MAP2K3: variants seen among roughly 807,000 people sequenced by gnomAD.
The protein encoded by MAP2K3 is mitogen-activated protein kinase kinase 3.
In MAP2K3, 30 loss-of-function variants were observed where a neutral mutation model predicts 46.4. The observed-to-expected ratio is 0.65, with a 90% confidence interval of 0.48 to 0.88. The LOEUF (loss-of-function observed/expected upper bound fraction) is 0.88, where lower values mean the gene tolerates loss of function less well. MAP2K3 is among the 40% of genes least tolerant of loss of function. The probability of loss-of-function intolerance (pLI) is 0.00; values close to 1 mark genes in which losing one functional copy is unlikely to be tolerated. For missense variants in MAP2K3, 380 were observed against 464.5 expected (o/e 0.82, Z 1.67); for synonymous variants, 189 against 176.3 (o/e 1.07, Z -0.57).
intron 3 of MAP2K3, among the ~76,000 whole-genome samples, chr17:21,299,417 C>T (rs1295644308): frequency 1.3e-5 from 2 of 152,308 alleles, no homozygotes; most frequent in Admixed American, 1.3e-4. Flanking sequence ...TGCAGTGGCT[C>T]ACACCTGTAA....
chr17:21,289,729 G>A (rs1265633847), intron 1 of MAP2K3, among the ~76,000 whole-genome samples: 2 of 152,346 alleles, frequency 1.3e-5, no homozygotes, highest in Non-Finnish European at 2.9e-5. Context: ...GGCCAGGGGA[G>A]GCAGAAGCAG....
chr17:21,295,968 G>A, intron 1 of MAP2K3: 3 of 1,258,618 alleles, frequency 2.4e-6, no homozygotes, highest in Non-Finnish European at 3.1e-6. Context: ...TCTCTGTGCA[G>A]AGCTTTAATT....
rs1050368182 is a variant in MAP2K3, at chr17:21,284,780, T to C, written c.-141T>C. 1.1e-6 allele frequency: 1 copy of C among 902,322 alleles called. No individual in the cohort carries two copies. Among genetic ancestry groups the C allele is most frequent in the Non-Finnish European group, 1.6e-6 (1 of 630,874 alleles). The allele number at this position is 902,322 out of a possible 1,614,324, so 55.9% of individuals were successfully genotyped here. A position where few individuals can be genotyped will look rare whatever the true frequency, so the allele number is the denominator to read the frequency against. ...GTCGCCGCCGCAGTCCTCGCCGCAGTCGCCGCCGCCGCCGCCGCCGCCGCC... is the reference window on the plus strand; with the variant it reads ...GTCGCCGCCGCAGTCCTCGCCGCAGCCGCCGCCGCCGCCGCCGCCGCCGCC... On this transcript the variant is annotated 5_prime_UTR_variant, in exon 1 of 12. Transcript: ENST00000342679.
Position 21,303,039 on chromosome 17 carries a change from G to A in MAP2K3, c.517-144G>A, listed in dbSNP as rs529069513. 2.8e-6 allele frequency: 3 copies of A among 1,061,496 alleles called. No homozygotes were observed. The African/African-American group carries it at 4.7e-5, about 17-fold the overall frequency. The allele number at this position is 1,061,496 out of a possible 1,614,324, so 65.8% of individuals were successfully genotyped here. A position where few individuals can be genotyped will look rare whatever the true frequency, so the allele number is the denominator to read the frequency against. Reference sequence around the variant, plus strand: ...TGGGGCAAATGCCAGGACAGGGCAGGAGGCTGGGATGAGAGGGTGCGTAGC... The same window carrying A: ...TGGGGCAAATGCCAGGACAGGGCAGAAGGCTGGGATGAGAGGGTGCGTAGC... On this transcript the variant is annotated intron_variant, in intron 6 of 11. Coordinates refer to ENST00000342679, the MANE Select transcript of MAP2K3 (RefSeq NM_145109.3).
In MAP2K3 at chr17:21,314,432, C is replaced by A. The variant is rs1977312918; in HGVS notation, c.*202C>A. On this transcript the variant is annotated 3_prime_UTR_variant, in exon 12 of 12. Transcript: ENST00000342679. ...CAGACCATTGGGGCTCCCAGCCAGGCCCTTGTCGGCCCCACCAGTGCCTCT... is the reference window on the plus strand; with the variant it reads ...CAGACCATTGGGGCTCCCAGCCAGGACCTTGTCGGCCCCACCAGTGCCTCT... The A allele has an allele frequency of 3.4e-5, 20 of 583,460 alleles. No individual in the cohort carries two copies. The highest frequency in any genetic ancestry group is 3.4e-5 in the Non-Finnish European group (11 of 325,456). The allele number at this position is 583,460 out of a possible 1,614,324, so 36.1% of individuals were successfully genotyped here.
chr17:21,314,378 C>T lies in MAP2K3; in HGVS notation c.*148C>T, dbSNP rs2363194. On this transcript the variant is annotated 3_prime_UTR_variant, in exon 12 of 12. Coordinates refer to ENST00000342679, the MANE Select transcript of MAP2K3 (RefSeq NM_145109.3). Reference sequence around the variant, plus strand: ...GGGCTGCTCCCACCTGGCTCTGTGGCGAGCCATTTGTCCCAAGTGCCAAAG... The same window carrying T: ...GGGCTGCTCCCACCTGGCTCTGTGGTGAGCCATTTGTCCCAAGTGCCAAAG... The T allele has an allele frequency of 1.4e-4, 101 of 720,350 alleles. No individual in the cohort carries two copies. Among genetic ancestry groups the T allele is most frequent in the Non-Finnish European group, 2.1e-4 (88 of 423,892 alleles). The allele number at this position is 720,350 out of a possible 1,614,324, so 44.6% of individuals were successfully genotyped here.
rs753716912 is a variant in MAP2K3 at position 21,300,573 on chromosome 17, T to G, written c.194T>G (p.Val65Gly). The change falls in exon 4 of 12, where the codon GTG (valine) becomes GGG (glycine). Residue 65 changes from valine (V) to glycine (G), a missense_variant. Transcript: ENST00000342679. The stretch of plus-strand genomic sequence containing the variant: ...TTTGAGGTGGAGGCTGATGACTTGG[T>G]GACCATCTCAGAACTGGGCCGTGGA... ...RNFEVEADDL[V>G]TISELGRGAY... 2.2e-5 allele frequency: 36 copies of G among 1,612,570 alleles called. No homozygotes were observed. The highest frequency in any genetic ancestry group is 2.2e-4 in the Admixed American group (13 of 59,730).
At chr17:21,288,194 G>A in intron 1 of MAP2K3, 1 of 920,674 alleles carries the variant, frequency 1.1e-6, no homozygotes, top group Non-Finnish European at 1.5e-6. Flanking sequence ...GTGGGGAGGG[G>A]GTTACGTGTC....
At chr17:21,300,783 C>T in intron 4 of MAP2K3, 91 bp from the exon 5 acceptor site, 1 of 1,610,054 alleles carries the variant, frequency 6.2e-7, no homozygotes. Context: ...GCACACTGGG[C>T]AGTGGCCCCC....
At chr17:21,287,933 T>A in intron 1 of MAP2K3, 1 of 889,732 alleles carries the variant, frequency 1.1e-6, no homozygotes, top group Admixed American at 2.3e-5. Flanking sequence ...CCCCTGGCTG[T>A]CGGAAAGACT....
At chr17:21,308,974 C>T (rs546542240) in intron 9 of MAP2K3, among the ~76,000 whole-genome samples, 475 of 152,388 alleles carry the variant, frequency 3.1e-3, no homozygotes, top group African/African-American at 0.01. Flanking sequence ...AAACCAACAG[C>T]GGTTTCTTAT....
chr17:21,312,245 G>C lies in MAP2K3; in HGVS notation c.878G>C (p.Arg293Pro), dbSNP rs35206134. 14 of 1,601,402 alleles carry C rather than the reference G, an allele frequency of 8.7e-6. No homozygotes were observed. The Admixed American group carries it at 1.1e-4, about 12-fold the overall frequency. The change falls in exon 10 of 12, where the codon CGT becomes CCT. Residue 293 changes from arginine (R) to proline (P), a missense_variant. This residue lies in a region of MAP2K3 where 63 missense variants were observed against 81.6 expected (regional missense o/e 0.77). Coordinates refer to ENST00000342679, the MANE Select transcript of MAP2K3 (RefSeq NM_145109.3). Reference protein sequence around the residue: ...EEPSPQLPADRFSPEFVDFTA... With the variant: ...EEPSPQLPADPFSPEFVDFTA... ...CCGTCCCCCCAGCTCCCAGCCGACC[G>C]TTTCTCCCCCGAGTTTGTGGACTTC...
At position 21,312,234 on chromosome 17, in the gene MAP2K3, C is replaced by A; in HGVS notation, c.867C>A (p.Leu289=). The A allele has an allele frequency of 6.2e-7, 1 of 1,603,406 alleles. No individual in the cohort carries two copies. The highest frequency in any genetic ancestry group is 8.5e-7 in the Non-Finnish European group (1 of 1,176,462). ...KQVVEEPSPQ[L]PADRFSPEFV... is the part of the protein sequence containing the mutation. ...TGGTGGAGGAGCCGTCCCCCCAGCT[C>A]CCAGCCGACCGTTTCTCCCCCGAGT... is the stretch of plus-strand genomic sequence containing the variant. Residue 289 remains leucine (L), a synonymous_variant, in exon 10 of 12, where the codon CTC becomes CTA. Coordinates refer to ENST00000342679, the MANE Select transcript of MAP2K3 (RefSeq NM_145109.3).
At chr17:21,301,591 C>T (rs1976603943) in intron 5 of MAP2K3, among the ~76,000 whole-genome samples, 1 of 152,312 alleles carries the variant, frequency 6.6e-6, no homozygotes, top group Non-Finnish European at 1.5e-5. Context: ...GGCTGCTTCA[C>T]CTGTCCTCAC....
At chr17:21,300,794 T>G (rs2144573101) in intron 4 of MAP2K3, 80 bp from the exon 5 acceptor site, 1 of 1,611,872 alleles carries the variant, frequency 6.2e-7, no homozygotes, top group Non-Finnish European at 8.5e-7. Flanking sequence ...AGTGGCCCCC[T>G]GAGCTCCTGG....
Position 21,301,008 on chromosome 17 carries a change from G to A in MAP2K3, c.399+15G>A, listed in dbSNP as rs771214961. On this transcript the variant is annotated intron_variant, in intron 5 of 11. Transcript: ENST00000342679. ...TATTCAGAGAGGTGCGTCCTTGCAT[G>A]ATGCAGCTGGGGATCTCCACCTCCC... 12 of 1,613,860 alleles carry A rather than the reference G, an allele frequency of 7.4e-6. No individual in the cohort carries two copies. The African/African-American group carries it at 1.6e-4, about 22-fold the overall frequency.
chr17:21,308,889 T>A (rs1325655171), intron 9 of MAP2K3, among the ~76,000 whole-genome samples: 2 of 152,270 alleles, frequency 1.3e-5, no homozygotes, highest in Non-Finnish European at 2.9e-5. Flanking sequence ...TGGTGGAACT[T>A]GGACAAGTGT....
intron 1 of MAP2K3, among the ~76,000 whole-genome samples, chr17:21,295,229 G>A (rs374010854): frequency 3.0e-3 from 456 of 152,220 alleles, no homozygotes; most frequent in African/African-American, 0.01. Context: ...GGGTGAGTGG[G>A]AGGAGATAGG....
chr17:21,294,015 G>C (rs1285253178), intron 1 of MAP2K3, among the ~76,000 whole-genome samples: 2 of 152,310 alleles, frequency 1.3e-5, no homozygotes, highest in Non-Finnish European at 2.9e-5. Context: ...CCTGTCCTGG[G>C]GAGAGGGGCC....
Sources: allele counts gnomAD v4.1 joint callset (sites outside exome capture counted in the v4.1 genomes callset), GRCh38; gene constraint gnomAD v4.1.1; regional missense constraint gnomAD v4.1.1; transcripts MANE v1.5; gene names NCBI Gene and HGNC (gene_info 2026-07-23, HGNC 2026-07-21).